DAGLB: variants seen among roughly 807,000 people sequenced by gnomAD.
DAGLB encodes diacylglycerol lipase-beta.
DAGLB carries 66 observed loss-of-function variants against 72.1 expected under a neutral mutation model. The ratio of observed to expected loss-of-function variants is 0.92; its 90% CI spans 0.75 to 1.12. DAGLB has a LOEUF of 1.12. DAGLB is among the 50% of genes most tolerant of loss of function. The pLI is 0.00. For synonymous variants in DAGLB, 414 were observed against 359.5 expected (o/e 1.15, Z -1.71); for missense variants, 1,065 against 884.9 (o/e 1.20, Z -2.58).
chr7:6,442,733 G>A lies in DAGLB; in HGVS notation c.247+3220C>T, dbSNP rs531097758. On this transcript the variant is annotated intron_variant, in intron 2 of 14. Transcript: ENST00000297056. ...GCCTCCATCAATCCAGCCTCCTTGC[G>A]TGGATGTTTCTAGAGGCATACTAAA... Among the ~76,000 whole-genome samples, 8 of 152,282 alleles carry A rather than the reference G, an allele frequency of 5.3e-5. No homozygotes were observed. The East Asian group carries it at 5.8e-4, about 11-fold the overall frequency.
rs775320101 is a variant in DAGLB at position 6,409,917 on chromosome 7, C to A, written c.1939G>T (p.Ala647Ser). ...TDHMPDILMR[A>S]LDSVVSDRAA... is the part of the protein sequence containing the mutation. ...CTGTCGGAGACCACGCTGTCCAAGGCCCGCATCAGGATGTCTGGCATGTGG... is the reference window on the plus strand; with the variant it reads ...CTGTCGGAGACCACGCTGTCCAAGGACCGCATCAGGATGTCTGGCATGTGG... The change falls in exon 15 of 15, where the codon GCC becomes TCC. Residue 647 changes from alanine (A) to serine (S), a missense_variant. By Grantham distance (99) the Ala-to-Ser change is moderately conservative. Coordinates refer to ENST00000297056, the MANE Select transcript of DAGLB (RefSeq NM_139179.4). 5 of 1,614,134 alleles carry A rather than the reference C, an allele frequency of 3.1e-6. No individual in the cohort carries two copies. The South Asian group carries it at 5.5e-5, about 18-fold the overall frequency.
At chr7:6,432,592 A>C (rs1260615200) in intron 5 of DAGLB, among the ~76,000 whole-genome samples, 1 of 150,942 alleles carries the variant, frequency 6.6e-6, no homozygotes, top group African/African-American at 2.4e-5. Context: ...CCTGGGAGGC[A>C]GAACTTGCAG....
chr7:6,414,013 G>C (rs1783821066), intron 11 of DAGLB, among the ~76,000 whole-genome samples: 1 of 152,096 alleles, frequency 6.6e-6, no homozygotes. Context: ...GTGACAGAAA[G>C]GACTTTTTTG....
intron 4 of DAGLB, 96 bp from the exon 5 acceptor site, chr7:6,433,055 G>A (rs1004503337): frequency 1.1e-5 from 16 of 1,494,106 alleles, no homozygotes; most frequent in Admixed American, 2.3e-5. Flanking sequence ...AGGCATTCAC[G>A]CACACACAGA....
intron 7 of DAGLB, 75 bp from the exon 8 acceptor site, chr7:6,424,910 G>C (rs1562482968): frequency 1.4e-6 from 2 of 1,471,782 alleles, no homozygotes; most frequent in South Asian, 2.3e-5. Flanking sequence ...GAGCCCTGCA[G>C]TGTCTGCAAT....
At chr7:6,421,967 G>A (rs1381050675) in intron 8 of DAGLB, 163 bp from the exon 9 acceptor site, 8 of 802,018 alleles carry the variant, frequency 1.0e-5, no homozygotes, top group South Asian at 2.9e-5. Flanking sequence ...GGGAAACCCA[G>A]CGGTGGCTCC....
At chr7:6,432,149 G>C (rs1262896082) in intron 5 of DAGLB, among the ~76,000 whole-genome samples, 1 of 152,130 alleles carries the variant, frequency 6.6e-6, no homozygotes, top group African/African-American at 2.4e-5. Flanking sequence ...TCATGAGTTT[G>C]AGACCAGCCT....
chr7:6,417,186 G>T (rs1351483614), intron 9 of DAGLB: 4 of 416,076 alleles, frequency 9.6e-6, no homozygotes, highest in African/African-American at 2.0e-5. Context: ...CTTGAGCCCA[G>T]GAGTTCAAGA....
intron 8 of DAGLB, 139 bp from the exon 9 acceptor site, chr7:6,421,943 C>T: frequency 3.2e-6 from 3 of 950,412 alleles, no homozygotes; most frequent in Non-Finnish European, 4.9e-6. Flanking sequence ...TGGGACTGAA[C>T]CCTAAACTAA....
Position 6,418,061 on chromosome 7 carries a change from G to A in DAGLB, c.1219-1140C>T, listed in dbSNP as rs796937233. Among the ~76,000 whole-genome samples, 8 of 152,170 alleles carry A rather than the reference G, an allele frequency of 5.3e-5. No individual in the cohort carries two copies. In the South Asian group the frequency reaches 1.7e-3, roughly 32 times the overall value. ...AATTTTTGTATTTTTAGTAGAGACA[G>A]GGTTTCACCATGTTGGCCAGGCTAG... On this transcript the variant is annotated intron_variant, in intron 9 of 14. Transcript: ENST00000297056.
At chr7:6,440,064 A>AG (rs1009834878) in intron 2 of DAGLB, among the ~76,000 whole-genome samples, 15 of 133,928 alleles carry the variant, frequency 1.1e-4, no homozygotes, top group African/African-American at 2.4e-4. Flanking sequence ...AAAAAAAAAA[A>AG]AAAGAAAGAA....
intron 8 of DAGLB, chr7:6,422,099 G>T: frequency 2.2e-6 from 1 of 464,776 alleles, no homozygotes; most frequent in Admixed American, 2.7e-5. Flanking sequence ...AGGACCCCGT[G>T]GCACAGAACC....
chr7:6,441,568 C>G (rs2115295826), intron 2 of DAGLB, among the ~76,000 whole-genome samples: 1 of 151,130 alleles, frequency 6.6e-6, no homozygotes, highest in East Asian at 1.9e-4. Context: ...CAGGGGCCCG[C>G]CACCACGCCC....
chr7:6,430,737 G>A (rs1329270394), intron 5 of DAGLB, 130 bp from the exon 6 acceptor site: 7 of 1,076,842 alleles, frequency 6.5e-6, no homozygotes, highest in Admixed American at 7.4e-5. Flanking sequence ...ACTCTCAGAC[G>A]CCCACAGGCA....
At chr7:6,423,069 T>C (rs923880020) in intron 8 of DAGLB, among the ~76,000 whole-genome samples, 3 of 151,998 alleles carry the variant, frequency 2.0e-5, no homozygotes, top group Non-Finnish European at 1.5e-5. Context: ...CTGGGCAACA[T>C]AGTGAGATCC....
chr7:6,424,898 C>T (rs112450235), intron 7 of DAGLB, 63 bp from the exon 8 acceptor site: 141 of 1,546,122 alleles, frequency 9.1e-5, no homozygotes, highest in Non-Finnish European at 1.2e-4. Context: ...CACGCAAAGT[C>T]GGAGCCCTGC....
chr7:6,441,776 G>A (rs979978720), intron 2 of DAGLB, among the ~76,000 whole-genome samples: 3 of 152,058 alleles, frequency 2.0e-5, no homozygotes, highest in Non-Finnish European at 4.4e-5. Context: ...ACAATTAAAC[G>A]AACATGTTTT....
At position 6,436,370 on chromosome 7, in the gene DAGLB, G is replaced by A. The variant is rs766867668; in HGVS notation, c.411C>T (p.Val137=). 18 of 1,607,970 alleles carry A rather than the reference G, an allele frequency of 1.1e-5. No homozygotes were observed. The highest frequency in any genetic ancestry group is 4.0e-5 in the African/African-American group (3 of 74,510). Residue 137 remains valine (V), a synonymous_variant, in exon 3 of 15, where the codon GTC becomes GTT. Coordinates refer to ENST00000297056, the MANE Select transcript of DAGLB (RefSeq NM_139179.4). ...AAGAAGGGAGATGTCACCTGACCAC[G>A]ACGGTTGCGATGATGCCGTTTACAA... The part of the protein sequence containing the change: ...RTVVNGIIAT[V]VVSWIIIAAT...
At chr7:6,437,985 G>A (rs1459028267) in intron 2 of DAGLB, among the ~76,000 whole-genome samples, 1 of 152,184 alleles carries the variant, frequency 6.6e-6, no homozygotes, top group Non-Finnish European at 1.5e-5. Context: ...CTGTTAGAAT[G>A]ACTGAAATAG....
Sources: allele counts gnomAD v4.1 joint callset (sites outside exome capture counted in the v4.1 genomes callset), GRCh38; gene constraint gnomAD v4.1.1; transcripts MANE v1.5; gene names NCBI Gene and HGNC (gene_info 2026-07-23, HGNC 2026-07-21).